The following MAS1 variants were observed in gnomAD, a reference collection of about 807,000 sequenced individuals.
MAS1 encodes MAS1 proto-oncogene, G protein-coupled receptor.
For missense variants in MAS1, 387 were observed against 409.7 expected (o/e 0.94, Z 0.48); for synonymous variants, 163 against 164.2 (o/e 0.99, Z 0.05).
intron 2 of MAS1, among the ~76,000 whole-genome samples, chr6:159,902,914 A>C (rs920406780): frequency 6.6e-6 from 1 of 152,146 alleles, no homozygotes; most frequent in Non-Finnish European, 1.5e-5. Context: ...CGATTTCAGC[A>C]TCTGTGGATA....
At chr6:159,894,690 G>A (rs889319883) in intron 1 of MAS1, among the ~76,000 whole-genome samples, 2 of 152,192 alleles carry the variant, frequency 1.3e-5, no homozygotes, top group Non-Finnish European at 2.9e-5. Flanking sequence ...GGCTGAGAGC[G>A]CTGCGCTGTT....
intron 2 of MAS1, among the ~76,000 whole-genome samples, chr6:159,905,957 G>C (rs12333253): frequency 6.6e-6 from 1 of 152,042 alleles, no homozygotes; most frequent in Admixed American, 6.5e-5. Context: ...CAGGAGAATC[G>C]CTTGAACCTG....
chr6:159,892,040 A>G (rs960693792), intron 1 of MAS1, among the ~76,000 whole-genome samples: 1 of 152,124 alleles, frequency 6.6e-6, no homozygotes, highest in Non-Finnish European at 1.5e-5. Flanking sequence ...CATGCCAAAC[A>G]TCCCTTAGGG....
At position 159,907,782 on chromosome 6, in the gene MAS1, A is replaced by G. The variant is rs774787731; in HGVS notation, c.827A>G (p.Asn276Ser). ...LLFSTINSSANPFIYFFVGSS... is the reference protein window; with the variant it reads ...LLFSTINSSASPFIYFFVGSS... The stretch of plus-strand genomic sequence containing the variant: ...TTCTCCACAATCAACAGTAGCGCCA[A>G]CCCTTTCATTTACTTCTTTGTGGGA... The change falls in exon 3 of 3, where the codon AAC becomes AGC. Residue 276 changes from asparagine (N) to serine (S), a missense_variant. Transcript: ENST00000674077. The G allele has an allele frequency of 3.1e-5, 50 of 1,613,266 alleles. No individual in the cohort carries two copies. Among genetic ancestry groups the G allele is most frequent in the Non-Finnish European group, 4.2e-5 (49 of 1,179,910 alleles).
intron 2 of MAS1, among the ~76,000 whole-genome samples, chr6:159,903,059 C>G (rs1782840958): frequency 6.6e-6 from 1 of 152,126 alleles, no homozygotes; most frequent in Non-Finnish European, 1.5e-5. Flanking sequence ...CTGCCCCAGG[C>G]TCAGTTTTAA....
At position 159,915,512 on chromosome 6, in the gene MAS1, G is replaced by C. The variant is rs1313381219; in HGVS notation, c.*7579G>C. The C allele has an allele frequency of 6.6e-6, 1 of 152,222 alleles. No homozygotes were observed. The highest frequency in any genetic ancestry group is 1.5e-5 in the Non-Finnish European group (1 of 68,056). 9.4% of individuals were successfully genotyped at this position (152,222 alleles called of 1,614,324 possible). ...GCAGGCACTCCTGTGGGGAAGGAGT[G>C]ATTTGCAGGCTTCATGCTGACATTA... is the stretch of plus-strand genomic sequence containing the variant. On this transcript the variant is annotated 3_prime_UTR_variant, in exon 3 of 3. Coordinates refer to ENST00000674077, the MANE Select transcript of MAS1 (RefSeq NM_002377.4).
At chr6:159,903,379 C>T (rs891571848) in intron 2 of MAS1, among the ~76,000 whole-genome samples, 10 of 152,152 alleles carry the variant, frequency 6.6e-5, no homozygotes, top group African/African-American at 1.9e-4. Context: ...GACAGCTGAA[C>T]TAAGCCGTAG....
Position 159,908,971 on chromosome 6 carries a change from C to T in MAS1, c.*1038C>T, listed in dbSNP as rs1241600933. 6.7e-6 allele frequency: 1 copy of T among 149,986 alleles called. No individual in the cohort carries two copies. Among genetic ancestry groups the T allele is most frequent in the Non-Finnish European group, 1.5e-5 (1 of 67,736 alleles). The allele number at this position is 149,986 out of a possible 1,614,324, so 9.3% of individuals were successfully genotyped here. On this transcript the variant is annotated 3_prime_UTR_variant, in exon 3 of 3. Coordinates refer to ENST00000674077, the MANE Select transcript of MAS1 (RefSeq NM_002377.4). ...CTGCACCTGTCTGCCTCCTCTCCTCCTGAGGCTTTTTTTTTTTTTTTCATC... is the reference window on the plus strand; with the variant it reads ...CTGCACCTGTCTGCCTCCTCTCCTCTTGAGGCTTTTTTTTTTTTTTTCATC...
rs1429550354 is a variant in MAS1 at position 159,914,801 on chromosome 6, G to T, written c.*6868G>T. 6.6e-6 allele frequency: 1 copy of T among 152,298 alleles called. No individual in the cohort carries two copies. The highest frequency in any genetic ancestry group is 2.4e-5 in the African/African-American group (1 of 41,466). The allele number at this position is 152,298 out of a possible 1,614,324, so 9.4% of individuals were successfully genotyped here. A position where few individuals can be genotyped will look rare whatever the true frequency, so the allele number is the denominator to read the frequency against. On this transcript the variant is annotated 3_prime_UTR_variant, in exon 3 of 3. Transcript: ENST00000674077. Reference sequence around the variant, plus strand: ...GGTTCCTGTGGGACGGGGCCAGAGTGGGTGTCCCATGAAGATGACCAGATC... The same window carrying T: ...GGTTCCTGTGGGACGGGGCCAGAGTTGGTGTCCCATGAAGATGACCAGATC...
intron 1 of MAS1, among the ~76,000 whole-genome samples, chr6:159,893,284 C>G (rs1346283932): frequency 6.6e-6 from 1 of 152,194 alleles, no homozygotes; most frequent in Non-Finnish European, 1.5e-5. Context: ...GGTGACATGG[C>G]AGGGGATGTC....
chr6:159,906,334 A>T (rs959021839), intron 2 of MAS1, among the ~76,000 whole-genome samples: 8 of 152,120 alleles, frequency 5.3e-5, no homozygotes, highest in Middle Eastern at 6.8e-3. Flanking sequence ...AAGCCGTGTA[A>T]AATAAATGCC....
intron 2 of MAS1, among the ~76,000 whole-genome samples, chr6:159,899,938 C>T (rs950089909): frequency 7.3e-5 from 11 of 151,256 alleles, no homozygotes; most frequent in Admixed American, 5.3e-4. Flanking sequence ...CTCATCTACT[C>T]GGGAGGCTGA....
intron 1 of MAS1, 131 bp from the exon 2 acceptor site, chr6:159,899,055 A>G (rs564757147): frequency 3.9e-5 from 6 of 152,354 alleles, no homozygotes; most frequent in Admixed American, 2.6e-4. Context: ...AAAGGGGGCA[A>G]TGATGTCATC....
At chr6:159,895,067 G>A (rs879504981) in intron 1 of MAS1, among the ~76,000 whole-genome samples, 3 of 152,146 alleles carry the variant, frequency 2.0e-5, no homozygotes, top group African/African-American at 7.2e-5. Flanking sequence ...TGATTGTGCG[G>A]TTGCTTCTGG....
intron 2 of MAS1, among the ~76,000 whole-genome samples, chr6:159,904,426 C>T (rs1257549195): frequency 2.6e-5 from 4 of 152,196 alleles, no homozygotes; most frequent in Admixed American, 6.5e-5. Context: ...TCACCTGCAC[C>T]TGTCCATTCA....
At chr6:159,896,695 A>G (rs1761175481) in intron 1 of MAS1, among the ~76,000 whole-genome samples, 1 of 152,186 alleles carries the variant, frequency 6.6e-6, no homozygotes, top group Admixed American at 6.5e-5. Flanking sequence ...TGGGACTGTA[A>G]CTGCCTAAAG....
At position 159,908,192 on chromosome 6, in the gene MAS1, TG is replaced by T; in HGVS notation, c.*260del. On this transcript the variant is annotated 3_prime_UTR_variant, in exon 3 of 3. Transcript: ENST00000674077. ...TACCATGAACCATAAAAATGACTTT[TG>T]CAGGAAGATTTACAGATGTGTACGG... 3.0e-6 allele frequency: 1 copy of T among 328,094 alleles called. No homozygotes were observed. 20.3% of individuals were successfully genotyped at this position (328,094 alleles called of 1,614,324 possible). A position where few individuals can be genotyped will look rare whatever the true frequency, so the allele number is the denominator to read the frequency against.
Position 159,907,953 on chromosome 6 carries a change from G to T in MAS1, c.*20G>T. On this transcript the variant is annotated 3_prime_UTR_variant, in exon 3 of 3. Transcript: ENST00000674077. Reference sequence around the variant, plus strand: ...GTCTAAGAACTGTGAGGGAAGTTGTGGATAAAAATGGTGGAACACAGGTCA... The same window carrying T: ...GTCTAAGAACTGTGAGGGAAGTTGTTGATAAAAATGGTGGAACACAGGTCA... 1 of 1,555,274 alleles carries T rather than the reference G, an allele frequency of 6.4e-7. No homozygotes were observed. Among genetic ancestry groups the T allele is most frequent in the South Asian group, 1.2e-5 (1 of 81,358 alleles).
chr6:159,903,554 C>T (rs560734606), intron 2 of MAS1, among the ~76,000 whole-genome samples: 2 of 152,268 alleles, frequency 1.3e-5, no homozygotes, highest in African/African-American at 4.8e-5. Flanking sequence ...CCCTGAACAT[C>T]TCCTCACTCT....
Sources: allele counts gnomAD v4.1 joint callset (sites outside exome capture counted in the v4.1 genomes callset), GRCh38; gene constraint gnomAD v4.1.1; transcripts MANE v1.5; gene names NCBI Gene and HGNC (gene_info 2026-07-23, HGNC 2026-07-21).